ARHGEF3: variants seen among roughly 807,000 people sequenced by gnomAD.
The protein encoded by ARHGEF3 is 59.8 kDA protein.
In ARHGEF3, 28 loss-of-function variants were observed where a neutral mutation model predicts 63.2. That is an observed-to-expected ratio of 0.44 (90% CI 0.33 to 0.61). The LOEUF (loss-of-function observed/expected upper bound fraction) is 0.61, where lower values mean the gene tolerates loss of function less well. Ranked by LOEUF, ARHGEF3 falls within the 20% of genes least tolerant of loss-of-function variation. The pLI is 0.03. For synonymous variants in ARHGEF3, 266 were observed against 254.2 expected (o/e 1.05, Z -0.44); for missense variants, 533 against 659.3 (o/e 0.81, Z 2.10).
At chr3:56,860,745 G>A (rs1377165647) in intron 4 of ARHGEF3, among the ~76,000 whole-genome samples, 1 of 152,146 alleles carries the variant, frequency 6.6e-6, no homozygotes, top group Non-Finnish European at 1.5e-5. Context: ...GAAGCCCCTG[G>A]AAGTTACTGG....
intron 1 of ARHGEF3, among the ~76,000 whole-genome samples, chr3:57,067,984 C>T (rs145604937): frequency 2.2e-3 from 334 of 150,758 alleles, no homozygotes; most frequent in Middle Eastern, 0.01. Context: ...AGCAAGACTC[C>T]GTCTCAAAAA....
upstream of ARHGEF3, among the ~76,000 whole-genome samples, chr3:56,803,161 G>A (rs1240186379): frequency 6.6e-6 from 1 of 152,182 alleles, no homozygotes; most frequent in Non-Finnish European, 1.5e-5. Context: ...GGAGGCACCT[G>A]GGTTTAAAGA....
intron 3 of ARHGEF3, 85 bp from the exon 4 acceptor site, chr3:56,753,651 A>G (rs1312871437): frequency 8.5e-6 from 10 of 1,179,510 alleles, no homozygotes; most frequent in Non-Finnish European, 1.2e-5. Context: ...ACCACTCAAA[A>G]CCCCAAATTT....
intron 3 of ARHGEF3, among the ~76,000 whole-genome samples, chr3:56,947,479 T>C (rs1699571977): frequency 6.6e-6 from 1 of 152,184 alleles, no homozygotes; most frequent in African/African-American, 2.4e-5. Context: ...GTTGCAATCC[T>C]AGTCTCTGAT....
intron 4 of ARHGEF3, among the ~76,000 whole-genome samples, chr3:56,838,543 C>T (rs1463270261): frequency 6.6e-6 from 1 of 152,154 alleles, no homozygotes; most frequent in Non-Finnish European, 1.5e-5. Context: ...CTTTTCTTTC[C>T]ATAATTCTAA....
In ARHGEF3 at chr3:56,896,023, G is replaced by A. The variant is rs371695637; in HGVS notation, c.130-13669C>T. Among the ~76,000 whole-genome samples the A allele has an allele frequency of 8.7e-4, 133 of 152,322 alleles. 3 individuals carry two copies. In the South Asian group the frequency reaches 0.025, roughly 28 times the overall value. On this transcript the variant is annotated intron_variant, in intron 3 of 12. Coordinates refer to the ARHGEF3 transcript ENST00000338458. Reference sequence around the variant, plus strand: ...GGCAGATCCTGCAGAGCTGGCGGCAGCACGAATGGCCTGATGCCCTCTGGA... The same window carrying A: ...GGCAGATCCTGCAGAGCTGGCGGCAACACGAATGGCCTGATGCCCTCTGGA...
chr3:56,801,637 G>A (rs1559953139), intron 1 of ARHGEF3, 66 bp downstream of exon 1: 7 of 1,525,288 alleles, frequency 4.6e-6, no homozygotes, highest in Non-Finnish European at 5.3e-6. Context: ...CGCCGAGAAT[G>A]GGAGATGGAG....
intron 6 of ARHGEF3, 136 bp from the exon 7 acceptor site, chr3:56,745,598 C>T: frequency 2.0e-6 from 2 of 1,007,390 alleles, no homozygotes; most frequent in Admixed American, 5.9e-5. Flanking sequence ...ATCTGCATGG[C>T]TGGAGGAAAC....
In ARHGEF3 at chr3:56,729,633, A is replaced by C. The variant is rs2032973223; in HGVS notation, c.1229-11T>G. 3 of 1,578,092 alleles carry C rather than the reference A, an allele frequency of 1.9e-6. No individual in the cohort carries two copies. The East Asian group carries it at 6.7e-5, about 35-fold the overall frequency. On this transcript the variant is annotated splice_polypyrimidine_tract_variant and intron_variant, in intron 9 of 9. Coordinates refer to ENST00000296315, the MANE Select transcript of ARHGEF3 (RefSeq NM_019555.3). The stretch of plus-strand genomic sequence containing the variant: ...TGAAGAAGTTTTTAACTAGAAAGGA[A>C]AAACACATGAAAAACAAAGTCAATG...
chr3:56,969,893 C>T (rs1355557359), intron 2 of ARHGEF3, among the ~76,000 whole-genome samples: 1 of 151,980 alleles, frequency 6.6e-6, no homozygotes, highest in Non-Finnish European at 1.5e-5. Flanking sequence ...ATACATGCCA[C>T]ACCATGGAAG....
chr3:56,945,196 C>A (rs937392319), intron 3 of ARHGEF3, among the ~76,000 whole-genome samples: 1 of 152,078 alleles, frequency 6.6e-6, no homozygotes, highest in Non-Finnish European at 1.5e-5. Context: ...ATGAGTGATG[C>A]AGAAGACGGG....
chr3:56,894,643 TAAAAAATTTTA>T (rs2041240814), intron 3 of ARHGEF3, among the ~76,000 whole-genome samples: 1 of 152,172 alleles, frequency 6.6e-6, no homozygotes, highest in South Asian at 2.1e-4. Flanking sequence ...TTTTTAATTA[TAAAAAATTTTA>T]AAAAAATTCT....
At chr3:56,743,753 A>AT (rs201534263) in intron 7 of ARHGEF3, among the ~76,000 whole-genome samples, 2,061 of 152,244 alleles carry the variant, frequency 0.014, 57 homozygotes, top group African/African-American at 0.047. Context: ...TCCTCCTTCT[A>AT]TTATTGTCCC....
chr3:57,017,706 C>T (rs1037129506), intron 2 of ARHGEF3, among the ~76,000 whole-genome samples: 1 of 152,184 alleles, frequency 6.6e-6, no homozygotes, highest in Non-Finnish European at 1.5e-5. Flanking sequence ...GTCGTCACGG[C>T]TGCCCAAGGA....
chr3:57,070,315 G>A (rs1457775585), intron 1 of ARHGEF3, among the ~76,000 whole-genome samples: 1 of 152,086 alleles, frequency 6.6e-6, no homozygotes, highest in Non-Finnish European at 1.5e-5. Flanking sequence ...CACAAATTCA[G>A]GAGTTAAATG....
In ARHGEF3 at chr3:57,078,959, G is replaced by A. The variant is rs943384674; in HGVS notation, c.-28+267C>T. ...GCTAGTCGAGGCTGGCGGTGGCACT[G>A]CCCACCTGCGCTGCGCCCAGTGCGC... On this transcript the variant is annotated intron_variant, in intron 1 of 12. Coordinates refer to the ARHGEF3 transcript ENST00000338458. 4 of 320,882 alleles carry A rather than the reference G, an allele frequency of 1.2e-5. No individual in the cohort carries two copies. The Admixed American group carries it at 2.0e-4, about 16-fold the overall frequency. 19.9% of individuals were successfully genotyped at this position (320,882 alleles called of 1,614,324 possible).
chr3:56,793,251 G>T (rs1366063007), intron 1 of ARHGEF3, among the ~76,000 whole-genome samples: 2 of 149,734 alleles, frequency 1.3e-5, no homozygotes, highest in Non-Finnish European at 3.0e-5. Flanking sequence ...CTCACTGCAA[G>T]CTCCGCCTCC....
intron 1 of ARHGEF3, chr3:56,775,251 CT>C: frequency 7.7e-7 from 1 of 1,293,802 alleles, no homozygotes. Flanking sequence ...CTGGAAAAAT[CT>C]TTCGTGAATT....
intron 2 of ARHGEF3, among the ~76,000 whole-genome samples, chr3:56,975,069 G>A (rs9834815): frequency 0.4 from 60,108 of 151,840 alleles, 12,478 homozygotes; most frequent in Middle Eastern, 0.53. Flanking sequence ...ATGGACTGGG[G>A]GTACCCTCAA....
Sources: allele counts gnomAD v4.1 joint callset (sites outside exome capture counted in the v4.1 genomes callset), GRCh38; gene constraint gnomAD v4.1.1; transcripts MANE v1.5; gene names NCBI Gene and HGNC (gene_info 2026-07-23, HGNC 2026-07-21).